Variants in SGCD observed in about 807,000 individuals in gnomAD.
SGCD encodes the protein sarcoglycan delta.
SGCD carries 18 observed loss-of-function variants against 36.6 expected under a neutral mutation model. The ratio of observed to expected loss-of-function variants is 0.49; its 90% CI spans 0.34 to 0.73. The LOEUF (loss-of-function observed/expected upper bound fraction) is 0.73. SGCD is among the 30% of genes least tolerant of loss of function. SGCD has a pLI of 0.01. For missense variants in SGCD, 387 were observed against 346.7 expected (o/e 1.12, Z -0.92); for synonymous variants, 133 against 130.6 (o/e 1.02, Z -0.12).
At chr5:155,946,620 C>A (rs1258297685) in intron 1 of SGCD, among the ~76,000 whole-genome samples, 2 of 152,126 alleles carry the variant, frequency 1.3e-5, no homozygotes, top group East Asian at 1.9e-4. Context: ...CCATCTTAAT[C>A]AAAGTAAGTT....
At chr5:156,085,756 CT>C (rs1237646051) in intron 1 of SGCD, among the ~76,000 whole-genome samples, 4 of 152,116 alleles carry the variant, frequency 2.6e-5, no homozygotes, top group African/African-American at 7.2e-5. Flanking sequence ...TGGAGATACC[CT>C]TTTTAGGGGC....
At chr5:156,314,559 G>T (rs1767466287) in intron 3 of SGCD, among the ~76,000 whole-genome samples, 1 of 151,976 alleles carries the variant, frequency 6.6e-6, no homozygotes, top group Admixed American at 6.6e-5. Context: ...TCCAGCCTAG[G>T]CAGTATGCTA....
At chr5:156,269,274 C>T (rs915420995) in intron 3 of SGCD, among the ~76,000 whole-genome samples, 8 of 151,718 alleles carry the variant, frequency 5.3e-5, no homozygotes, top group African/African-American at 1.9e-4. Context: ...TCAAGACCAT[C>T]CTGGCTAACA....
the SGCD span, among the ~76,000 whole-genome samples, chr5:155,835,002 A>AGTTTTTTTTTT: frequency 1.7e-5 from 1 of 60,184 alleles, no homozygotes; most frequent in Non-Finnish European, 3.1e-5. Context: ...TGCCCAGCTA[A>AGTTTTTTTTTT]TTTTTTTTTT....
chr5:156,692,816 A>G (rs558812378), intron 7 of SGCD, among the ~76,000 whole-genome samples: 2 of 152,366 alleles, frequency 1.3e-5, no homozygotes, highest in South Asian at 4.1e-4. Flanking sequence ...TTTAGAAATC[A>G]ACTGCATTGT....
chr5:155,739,152 G>A, the SGCD span, among the ~76,000 whole-genome samples: 2 of 152,138 alleles, frequency 1.3e-5, no homozygotes, highest in African/African-American at 4.8e-5. Context: ...GGAAAGAGAG[G>A]AGACAAGTAA....
intron 3 of SGCD, among the ~76,000 whole-genome samples, chr5:156,164,658 A>G (rs1014024577): frequency 6.6e-6 from 1 of 152,250 alleles, no homozygotes; most frequent in African/African-American, 2.4e-5. Context: ...CGAAGTGAGT[A>G]TCGAACCCAA....
the SGCD span, among the ~76,000 whole-genome samples, chr5:155,841,292 T>C: frequency 1.3e-5 from 2 of 152,188 alleles, no homozygotes; most frequent in South Asian, 2.1e-4. Flanking sequence ...CAATGAAATA[T>C]TCAATGAAAT....
chr5:156,059,926 G>A (rs1305182461), intron 1 of SGCD, among the ~76,000 whole-genome samples: 1 of 146,038 alleles, frequency 6.8e-6, no homozygotes, highest in Non-Finnish European at 1.5e-5. Context: ...CCTCAGATTT[G>A]ACTGTTCTCA....
chr5:156,761,525 G>A lies in SGCD; in HGVS notation c.*2135G>A, dbSNP rs539065097. On this transcript the variant is annotated 3_prime_UTR_variant, in exon 9 of 9. Transcript: ENST00000337851. Reference sequence around the variant, plus strand: ...TCAATACAGGGTTTTTCCAAGCCAGGAAACGCCCTCCTTGGCTACTAGGAG... The same window carrying A: ...TCAATACAGGGTTTTTCCAAGCCAGAAAACGCCCTCCTTGGCTACTAGGAG... The A allele has an allele frequency of 2.3e-4, 35 of 152,256 alleles. No individual in the cohort carries two copies. The highest frequency in any genetic ancestry group is 8.2e-4 in the African/African-American group (34 of 41,532). The allele number at this position is 152,256 out of a possible 1,614,324, so 9.4% of individuals were successfully genotyped here.
At chr5:156,263,745 A>T (rs940573036) in intron 3 of SGCD, among the ~76,000 whole-genome samples, 2 of 152,070 alleles carry the variant, frequency 1.3e-5, no homozygotes, top group African/African-American at 4.8e-5. Context: ...TAAGTCTTTG[A>T]TCCATCTTGA....
In SGCD at chr5:156,361,336, T is replaced by C. The variant is rs188110350; in HGVS notation, c.192+16659T>C. On this transcript the variant is annotated intron_variant, in intron 3 of 8. Transcript: ENST00000337851. ...GATTTTAGGAGAGAAGCAGTGTAAT[T>C]TACCAGGTTTTGAAGAAGACAGACC... 1.4e-4 allele frequency among the ~76,000 whole-genome samples: 21 copies of C among 152,340 alleles called. No individual in the cohort carries two copies. In the East Asian group the frequency reaches 4.1e-3, roughly 29 times the overall value.
At chr5:156,229,297 T>TATATATATATATATATAA (rs1554085621) in intron 3 of SGCD, among the ~76,000 whole-genome samples, 2,583 of 119,844 alleles carry the variant, frequency 0.022, 161 homozygotes, top group Non-Finnish European at 0.028. Flanking sequence ...TATATATATA[T>TATATATATATATATATAA]ATAAAATTAG....
intron 8 of SGCD, chr5:156,758,028 G>T (rs1047248663): frequency 2.4e-5 from 27 of 1,121,774 alleles, no homozygotes; most frequent in Middle Eastern, 3.7e-4. Flanking sequence ...TAATTAAGCT[G>T]TATATATTAT....
rs757245008 is a variant in SGCD at position 155,933,595 on chromosome 5, A to G, written c.-282+63171A>G. On this transcript the variant is annotated intron_variant, in intron 1 of 9. Coordinates refer to the SGCD transcript ENST00000517913. Reference sequence around the variant, plus strand: ...CTTACTGTTGAATGCATAGTGGCCAAGTGCATAGGTTTTGGCTTAAGATGG... The same window carrying G: ...CTTACTGTTGAATGCATAGTGGCCAGGTGCATAGGTTTTGGCTTAAGATGG... Among the ~76,000 whole-genome samples the G allele has an allele frequency of 4.6e-5, 7 of 152,318 alleles. No homozygotes were observed. In the South Asian group the frequency reaches 6.2e-4, roughly 14 times the overall value.
intron 3 of SGCD, among the ~76,000 whole-genome samples, chr5:156,257,200 C>A (rs554182724): frequency 6.9e-6 from 1 of 145,528 alleles, no homozygotes; most frequent in Non-Finnish European, 1.5e-5. Context: ...AAAGGCCAGG[C>A]GCAGTGGCTC....
rs567086534 is a variant in SGCD, at chr5:156,308,500, G to A, written c.-43-21034G>A. On this transcript the variant is annotated intron_variant, in intron 3 of 9. Coordinates refer to the SGCD transcript ENST00000517913. ...TTTTTAGTAGAGATGGGGTTTCACCGTGTTAGCCAGGATGGTCTCGATCTC... is the reference window on the plus strand; with the variant it reads ...TTTTTAGTAGAGATGGGGTTTCACCATGTTAGCCAGGATGGTCTCGATCTC... Among the ~76,000 whole-genome samples, 35 of 152,154 alleles carry A rather than the reference G, an allele frequency of 2.3e-4. 1 individual carries two copies. Among genetic ancestry groups the A allele is most frequent in the Admixed American group, 7.2e-4 (11 of 15,276 alleles).
the SGCD span, among the ~76,000 whole-genome samples, chr5:155,770,488 G>A: frequency 9.9e-4 from 150 of 152,232 alleles, 1 homozygote; most frequent in African/African-American, 3.3e-3. Flanking sequence ...GAGTTTGGCT[G>A]GAGAAAGATG....
chr5:156,082,604 C>A (rs1224816748), intron 1 of SGCD, among the ~76,000 whole-genome samples: 1 of 152,170 alleles, frequency 6.6e-6, no homozygotes, highest in Admixed American at 6.5e-5. Context: ...GTATATACCA[C>A]AGTTTGCTTA....
Sources: gnomAD v4.1 joint callset for allele counts (sites outside exome capture counted in the v4.1 genomes callset) on GRCh38, gnomAD v4.1.1 for gene constraint, MANE v1.5 for transcripts, NCBI Gene and HGNC (gene_info 2026-07-23, HGNC 2026-07-21) for gene names.